The following SORCS1 variants were observed in gnomAD, a reference collection of about 807,000 sequenced individuals.
SORCS1 encodes VPS10 domain-containing receptor SorCS1.
Under a neutral mutation model 146.1 loss-of-function variants are expected in SORCS1, and 60 were observed. That is an observed-to-expected ratio of 0.41 (90% CI 0.33 to 0.51). The LOEUF (loss-of-function observed/expected upper bound fraction) is 0.51. Ranked by LOEUF, SORCS1 falls within the 20% of genes least tolerant of loss-of-function variation. The probability of loss-of-function intolerance (pLI) is 0.21; values close to 1 mark genes in which losing one functional copy is unlikely to be tolerated. For missense variants in SORCS1, 1,352 were observed against 1,487.6 expected, an observed-to-expected ratio of 0.91 and a Z score of 1.50; for synonymous variants, 637 against 584.0, an observed-to-expected ratio of 1.09 and a Z score of -1.31.
intron 2 of SORCS1, among the ~76,000 whole-genome samples, chr10:106,923,152 G>T (rs111631224): frequency 6.6e-6 from 1 of 152,160 alleles, no homozygotes; most frequent in Non-Finnish European, 1.5e-5. Flanking sequence ...GCATCCCAAA[G>T]TGCTGGGATT....
chr10:106,906,360 G>A (rs962747603), intron 2 of SORCS1, among the ~76,000 whole-genome samples: 9 of 152,140 alleles, frequency 5.9e-5, no homozygotes, highest in South Asian at 2.1e-4. Flanking sequence ...GTGATCTGCC[G>A]GCCTCGGCCT....
chr10:106,821,454 G>A (rs181939666), intron 3 of SORCS1, among the ~76,000 whole-genome samples: 3 of 152,218 alleles, frequency 2.0e-5, no homozygotes, highest in African/African-American at 4.8e-5. Flanking sequence ...GAATTATAAT[G>A]TCAATAACAT....
At chr10:106,898,917 C>T (rs371143135) in intron 2 of SORCS1, among the ~76,000 whole-genome samples, 235 of 152,304 alleles carry the variant, frequency 1.5e-3, no homozygotes, top group African/African-American at 5.2e-3. Context: ...ACTGCCTGGT[C>T]TTGACTTCTT....
intron 2 of SORCS1, among the ~76,000 whole-genome samples, chr10:106,939,382 CA>C (rs1381763242): frequency 6.7e-6 from 1 of 148,590 alleles, no homozygotes; most frequent in East Asian, 2.1e-4. Flanking sequence ...CTTTCAAACT[CA>C]GATAGTTCAC....
At chr10:106,616,304 G>A (rs1291334657) in intron 21 of SORCS1, among the ~76,000 whole-genome samples, 3 of 151,900 alleles carry the variant, frequency 2.0e-5, no homozygotes, top group East Asian at 3.9e-4. Flanking sequence ...CATCCAAGAG[G>A]GAGAGAAAGG....
intron 1 of SORCS1, among the ~76,000 whole-genome samples, chr10:107,105,031 A>G (rs1324707165): frequency 6.6e-6 from 1 of 152,222 alleles, no homozygotes; most frequent in Non-Finnish European, 1.5e-5. Flanking sequence ...AATAATCAAC[A>G]TATATTTGAA....
intron 1 of SORCS1, among the ~76,000 whole-genome samples, chr10:106,989,151 TCTCAGCTA>T (rs1386840794): frequency 8.5e-4 from 128 of 149,938 alleles, no homozygotes; most frequent in African/African-American, 3.0e-3. Context: ...GTACCTGTAA[TCTCAGCTA>T]CTCAGGAGGC....
At chr10:106,845,936 A>T (rs201650648) in intron 2 of SORCS1, among the ~76,000 whole-genome samples, 1 of 124,606 alleles carries the variant, frequency 8.0e-6, no homozygotes, top group African/African-American at 2.6e-5. Flanking sequence ...TGTTCCATTG[A>T]TCTATATCTC....
At chr10:107,036,317 G>A (rs1958903682) in intron 1 of SORCS1, among the ~76,000 whole-genome samples, 1 of 152,086 alleles carries the variant, frequency 6.6e-6, no homozygotes, top group African/African-American at 2.4e-5. Flanking sequence ...TAGGTTTTAT[G>A]CAAATAGTAC....
chr10:106,944,151 A>G (rs2138794192), intron 2 of SORCS1, among the ~76,000 whole-genome samples: 1 of 152,314 alleles, frequency 6.6e-6, no homozygotes, highest in South Asian at 2.1e-4. Context: ...GTTCTTTGCC[A>G]GGTGAATCCA....
chr10:106,823,747 A>G (rs952154640), intron 3 of SORCS1, among the ~76,000 whole-genome samples: 1 of 152,204 alleles, frequency 6.6e-6, no homozygotes, highest in African/African-American at 2.4e-5. Flanking sequence ...AAGTCTCCTC[A>G]GGGAAATTGA....
chr10:106,874,368 A>G (rs1393671225), intron 2 of SORCS1, among the ~76,000 whole-genome samples: 1 of 152,224 alleles, frequency 6.6e-6, no homozygotes, highest in African/African-American at 2.4e-5. Context: ...TATGACATTC[A>G]TAATAAAGTG....
intron 1 of SORCS1, among the ~76,000 whole-genome samples, chr10:107,026,634 T>C (rs1958418095): frequency 6.6e-6 from 1 of 151,722 alleles, no homozygotes; most frequent in African/African-American, 2.4e-5. Context: ...AAAAAAAGTT[T>C]TTTGGTTTTG....
intron 2 of SORCS1, among the ~76,000 whole-genome samples, chr10:106,844,017 T>A (rs1949189327): frequency 6.6e-6 from 1 of 152,198 alleles, no homozygotes. Context: ...CCACCACAAG[T>A]GTACAAGGGT....
chr10:106,938,357 G>A (rs1953860580), intron 2 of SORCS1, among the ~76,000 whole-genome samples: 1 of 152,188 alleles, frequency 6.6e-6, no homozygotes, highest in African/African-American at 2.4e-5. Flanking sequence ...ATGGCCTGAA[G>A]ATATTTTCAG....
At chr10:106,607,362 A>C in intron 22 of SORCS1, 65 bp from the exon 23 acceptor site, 4 of 1,592,126 alleles carry the variant, frequency 2.5e-6, no homozygotes, top group Middle Eastern at 3.9e-4. Flanking sequence ...GGGACCAAGT[A>C]TTTGGTGGGG....
rs1853942304 is a variant in SORCS1, at chr10:106,699,231, T to C, written c.1396A>G (p.Met466Val). ...QSSRGPEGNI[M>V]IDLYEVAGIK... ...TGACATACCTCATAGAGGTCGATCA[T>C]GATGTTGCCCTCAGGGCCTCTGCTG... is the stretch of plus-strand genomic sequence containing the variant. Residue 466 changes from methionine to valine, a missense_variant, in exon 9 of 26, where the codon ATG becomes GTG. Around this residue, in one of 3 missense-constraint regions of SORCS1, gnomAD observed 648 missense variants for 793.8 expected, o/e 0.82. Coordinates refer to ENST00000263054, the MANE Select transcript of SORCS1 (RefSeq NM_052918.5). The C allele has an allele frequency of 6.2e-7, 1 of 1,612,734 alleles. No individual in the cohort carries two copies. Among genetic ancestry groups the C allele is most frequent in the African/African-American group, 1.3e-5 (1 of 74,876 alleles).
chr10:106,811,189 C>T (rs1252176460), intron 3 of SORCS1, among the ~76,000 whole-genome samples: 1 of 152,066 alleles, frequency 6.6e-6, no homozygotes, highest in Non-Finnish European at 1.5e-5. Flanking sequence ...CCACCCACCT[C>T]GGCCTCCAAA....
chr10:106,898,544 G>C (rs1296976617), intron 2 of SORCS1, among the ~76,000 whole-genome samples: 1 of 152,140 alleles, frequency 6.6e-6, no homozygotes. Flanking sequence ...CAAACAAATG[G>C]CCACTGTCAC....
Sources: gnomAD v4.1 joint callset for allele counts (sites outside exome capture counted in the v4.1 genomes callset) on GRCh38, gnomAD v4.1.1 for gene constraint, gnomAD v4.1.1 regional missense constraint, MANE v1.5 for transcripts, NCBI Gene and HGNC (gene_info 2026-07-23, HGNC 2026-07-21) for gene names.